Variants in IGF2R observed in about 807,000 individuals in gnomAD.
IGF2R encodes cation-independent mannose-6-phosphate receptor.
IGF2R carries 91 observed loss-of-function variants against 270.6 expected under a neutral mutation model. That is an observed-to-expected ratio of 0.34 (90% CI 0.28 to 0.40). IGF2R has a LOEUF of 0.40. Ranked by LOEUF, IGF2R falls within the 10% of genes least tolerant of loss-of-function variation. IGF2R has a pLI of 1.00. For missense variants in IGF2R, 2,805 were observed against 3,188.3 expected, an observed-to-expected ratio of 0.88 and a Z score of 2.90; for synonymous variants, 1,316 against 1,258.9, an observed-to-expected ratio of 1.05 and a Z score of -0.96.
At chr6:160,104,148 C>A (rs558837930) in intron 47 of IGF2R, among the ~76,000 whole-genome samples, 1 of 152,016 alleles carries the variant, frequency 6.6e-6, no homozygotes, top group South Asian at 2.1e-4. Flanking sequence ...TGGATGATTT[C>A]TTTCAGGTAA....
chr6:160,087,724 C>T (rs536528900), intron 41 of IGF2R, among the ~76,000 whole-genome samples: 1 of 152,312 alleles, frequency 6.6e-6, no homozygotes, highest in African/African-American at 2.4e-5. Flanking sequence ...GGCTGGAGTG[C>T]AATGGCGCCA....
In IGF2R at chr6:160,083,937, C is replaced by A; in HGVS notation, c.5834-13C>A. On this transcript the variant is annotated splice_polypyrimidine_tract_variant and intron_variant, in intron 39 of 47. Coordinates refer to ENST00000356956, the MANE Select transcript of IGF2R (RefSeq NM_000876.4). ...ACAGTCTGATCTCTCTCTCTTTTCCCTACACTCCCCAGCAAACAGCTACCG... is the reference window on the plus strand; with the variant it reads ...ACAGTCTGATCTCTCTCTCTTTTCCATACACTCCCCAGCAAACAGCTACCG... The A allele has an allele frequency of 6.3e-7, 1 of 1,587,354 alleles. No individual in the cohort carries two copies. Among genetic ancestry groups the A allele is most frequent in the South Asian group, 1.1e-5 (1 of 90,520 alleles).
At chr6:160,034,221 C>T (rs963760801) in intron 9 of IGF2R, among the ~76,000 whole-genome samples, 198 bp from the exon 10 acceptor site, 1 of 152,174 alleles carries the variant, frequency 6.6e-6, no homozygotes. Context: ...TACTTTGAAG[C>T]GAGAGGATGT....
intron 1 of IGF2R, among the ~76,000 whole-genome samples, chr6:159,980,807 C>T (rs767575501): frequency 1.3e-5 from 2 of 152,178 alleles, no homozygotes; most frequent in African/African-American, 2.4e-5. Context: ...CTGAATTCTG[C>T]GCTGGGGGCT....
In IGF2R at chr6:160,079,750, C is replaced by A; in HGVS notation, c.5649C>A (p.Val1883=). 6.8e-7 allele frequency: 1 copy of A among 1,474,468 alleles called. No homozygotes were observed. The allele number at this position is 1,474,468 out of a possible 1,614,324, so 91.3% of individuals were successfully genotyped here. Residue 1883 remains valine (V), a synonymous_variant, in exon 38 of 48, where the codon GTC becomes GTA. Transcript: ENST00000356956. ...ATTACAGGCACCAGGATGAAGCGGT[C>A]GTTTTAAGTTACGTGAATGGTGATC... The part of the protein sequence containing the change: ...KLDYRHQDEA[V]VLSYVNGDRC...
In IGF2R at chr6:160,013,411, A is replaced by G. The variant is rs1057408576; in HGVS notation, c.513+2626A>G. Among the ~76,000 whole-genome samples the G allele has an allele frequency of 1.4e-4, 14 of 98,104 alleles. 1 individual carries two copies. Among genetic ancestry groups the G allele is most frequent in the South Asian group, 4.4e-4 (1 of 2,250 alleles). The allele number at this position is 98,104 out of a possible 152,430, so 64.4% of individuals were successfully genotyped here. A position where few individuals can be genotyped will look rare whatever the true frequency, so the allele number is the denominator to read the frequency against. On this transcript the variant is annotated intron_variant, in intron 4 of 47. Coordinates refer to ENST00000356956, the MANE Select transcript of IGF2R (RefSeq NM_000876.4). The stretch of plus-strand genomic sequence containing the variant: ...ATGTAGATACCACATGGTTCTTTGT[A>G]AAAAAAAAAAAAAAAAAAAAAAGGT...
At chr6:160,074,073 A>G (rs1287021319) in intron 35 of IGF2R, 98 bp downstream of exon 35, 4 of 816,706 alleles carry the variant, frequency 4.9e-6, no homozygotes, top group South Asian at 3.4e-5. Flanking sequence ...TTGCTCAAGC[A>G]TAAAAAAAAT....
chr6:160,024,529 A>G, intron 4 of IGF2R, 43 bp from the exon 5 acceptor site: 1 of 1,602,834 alleles, frequency 6.2e-7, no homozygotes, highest in Non-Finnish European at 8.5e-7. Flanking sequence ...CTGATTGACC[A>G]AGATGTATAC....
chr6:159,982,776 G>C (rs1052674439), intron 1 of IGF2R, among the ~76,000 whole-genome samples: 3 of 152,226 alleles, frequency 2.0e-5, no homozygotes, highest in African/African-American at 7.2e-5. Flanking sequence ...GGAAGGGACA[G>C]AGTGATACTT....
At chr6:160,060,891 G>A (rs771541714) in intron 23 of IGF2R, among the ~76,000 whole-genome samples, 174 bp downstream of exon 23, 1 of 152,206 alleles carries the variant, frequency 6.6e-6, no homozygotes, top group Admixed American at 6.5e-5. Context: ...GATGCCTAGA[G>A]TTGTAATGTT....
rs201217610 is a variant in IGF2R at position 160,088,039 on chromosome 6, A to G, written c.6212A>G (p.Lys2071Arg). The change falls in exon 42 of 48, where the codon AAA (lysine) becomes AGA (arginine). Residue 2071 changes from lysine to arginine, a missense_variant. Lys to Arg is a conservative substitution (Grantham distance 26, BLOSUM62 2). Coordinates refer to ENST00000356956, the MANE Select transcript of IGF2R (RefSeq NM_000876.4). ...HTQKLGVIGD[K>R]VVVTYSKGYP... is the part of the protein sequence containing the mutation. ...AATCATTTGTGTGTTTCAGGTGACA[A>G]AGTTGTTGTCACGTACTCCAAAGGT... 295 of 1,603,562 alleles carry G rather than the reference A, an allele frequency of 1.8e-4. No homozygotes were observed. Among genetic ancestry groups the G allele is most frequent in the Non-Finnish European group, 2.4e-4 (284 of 1,170,354 alleles).
At chr6:160,096,745 A>G (rs1779369727) in intron 45 of IGF2R, 120 bp downstream of exon 45, 6 of 827,450 alleles carry the variant, frequency 7.3e-6, no homozygotes, top group Admixed American at 3.2e-5. Context: ...ACCAAAAAAT[A>G]GAGAAAATGA....
Position 160,102,730 on chromosome 6 carries a change from T to G in IGF2R, c.6995+59T>G, listed in dbSNP as rs1024098474. ...GATGCATGCCTCCCATAGCTAATCT[T>G]GGGGTCAGTTTTGTGGGGTTTTATT... On this transcript the variant is annotated intron_variant, in intron 46 of 47. Coordinates refer to ENST00000356956, the MANE Select transcript of IGF2R (RefSeq NM_000876.4). The surrounding 1 kb of genome is among the most constrained non-coding windows in gnomAD (Gnocchi z 4.5). The G allele has an allele frequency of 4.0e-6, 6 of 1,515,430 alleles. No individual in the cohort carries two copies. The African/African-American group carries it at 8.3e-5, about 21-fold the overall frequency. The allele number at this position is 1,515,430 out of a possible 1,614,324, so 93.9% of individuals were successfully genotyped here. A position where few individuals can be genotyped will look rare whatever the true frequency, so the allele number is the denominator to read the frequency against.
intron 2 of IGF2R, chr6:160,003,362 G>C (rs1381080795): frequency 6.6e-6 from 1 of 152,120 alleles, no homozygotes; most frequent in Non-Finnish European, 1.5e-5. Flanking sequence ...TCTGATTTAT[G>C]GTCTCTCCTG....
At position 160,109,964 on chromosome 6, in the gene IGF2R, T is replaced by C. The variant is rs1279254827; in HGVS notation, c.*4880T>C. 1 of 152,226 alleles carries C rather than the reference T, an allele frequency of 6.6e-6. No homozygotes were observed. The highest frequency in any genetic ancestry group is 1.5e-5 in the Non-Finnish European group (1 of 68,044). 9.4% of individuals were successfully genotyped at this position (152,226 alleles called of 1,614,324 possible). ...TGTGCCCCGTGGAACACTTGTTCTGTATGTTGTTAACAGATGTTTTGCAAA... is the reference window on the plus strand; with the variant it reads ...TGTGCCCCGTGGAACACTTGTTCTGCATGTTGTTAACAGATGTTTTGCAAA... On this transcript the variant is annotated 3_prime_UTR_variant, in exon 48 of 48. Transcript: ENST00000356956.
At position 160,063,398 on chromosome 6, in the gene IGF2R, C is replaced by G; in HGVS notation, c.3671-17C>G. On this transcript the variant is annotated splice_polypyrimidine_tract_variant and intron_variant, in intron 26 of 47. Transcript: ENST00000356956. ...GTGTGGTTGCAGTTGCCCTTCACTTCTTCCATGTTCTTGAAGGGGACAACT... is the reference window on the plus strand; with the variant it reads ...GTGTGGTTGCAGTTGCCCTTCACTTGTTCCATGTTCTTGAAGGGGACAACT... The G allele has an allele frequency of 6.3e-7, 1 of 1,596,834 alleles. No individual in the cohort carries two copies. The highest frequency in any genetic ancestry group is 8.6e-7 in the Non-Finnish European group (1 of 1,166,126).
At chr6:160,079,421 C>G (rs1778926632) in intron 37 of IGF2R, among the ~76,000 whole-genome samples, 159 bp from the exon 38 acceptor site, 2 of 152,226 alleles carry the variant, frequency 1.3e-5, no homozygotes, top group Admixed American at 1.3e-4. Context: ...CCAGGGAAAG[C>G]CTAGGGCCAA....
rs781295428 is a variant in IGF2R, at chr6:160,084,980, T to A, written c.6069-15T>A. On this transcript the variant is annotated splice_polypyrimidine_tract_variant and intron_variant, in intron 40 of 47. Coordinates refer to ENST00000356956, the MANE Select transcript of IGF2R (RefSeq NM_000876.4). The surrounding 1 kb of genome is among the most constrained non-coding windows in gnomAD (Gnocchi z 4.6). ...CTTGCATGCCTTTTACCTGCCCCTT[T>A]GTGTCGTTTTCTAGGTACTATATAA... 6.2e-7 allele frequency: 1 copy of A among 1,607,142 alleles called. No individual in the cohort carries two copies. Among genetic ancestry groups the A allele is most frequent in the South Asian group, 1.1e-5 (1 of 90,902 alleles).
chr6:160,016,211 T>C (rs1427936791), intron 4 of IGF2R, among the ~76,000 whole-genome samples: 1 of 152,208 alleles, frequency 6.6e-6, no homozygotes, highest in African/African-American at 2.4e-5. Flanking sequence ...CCTGCTATGC[T>C]GTGGAGCTCA....
Sources: allele counts gnomAD v4.1 joint callset (sites outside exome capture counted in the v4.1 genomes callset), GRCh38; gene constraint gnomAD v4.1.1; non-coding constraint Gnocchi (gnomAD v3.1); transcripts MANE v1.5; gene names NCBI Gene and HGNC (gene_info 2026-07-23, HGNC 2026-07-21).